Variants in RASAL1 observed in about 807,000 individuals in gnomAD.
The protein encoded by RASAL1 is RAS protein activator like 1, also known as rasGAP-activating-like protein 1.
A neutral mutation model predicts 96.6 loss-of-function variants in RASAL1; 72 were observed. The observed-to-expected ratio is 0.75, with a 90% CI of 0.62 to 0.91. RASAL1 has a LOEUF of 0.91. Among genes scored for constraint, RASAL1 ranks in the 40% least tolerant of loss-of-function variants. The probability of loss-of-function intolerance (pLI) is 0.00; values close to 1 mark genes in which losing one functional copy is unlikely to be tolerated. For synonymous variants in RASAL1, 405 were observed against 430.4 expected, an observed-to-expected ratio of 0.94 and a Z score of 0.73; for missense variants, 1,016 against 1,072.5, an observed-to-expected ratio of 0.95 and a Z score of 0.74.
intron 4 of RASAL1, among the ~76,000 whole-genome samples, chr12:113,122,718 A>C (rs1290862416): frequency 3.3e-5 from 5 of 152,202 alleles, no homozygotes; most frequent in African/African-American, 1.2e-4. Flanking sequence ...AATCCTGCTG[A>C]GTAGAGATTG....
In RASAL1 at chr12:113,099,898, C is replaced by T. The variant is rs1257309173; in HGVS notation, c.*31G>A. ...GCTGAAGAGGGCCCCCTGGCTCTTG[C>T]TCCTCCTTCCGGGCTAGCTCTGGCA... On this transcript the variant is annotated 3_prime_UTR_variant, in exon 21 of 21. Transcript: ENST00000548055. 1 of 1,589,638 alleles carries T rather than the reference C, an allele frequency of 6.3e-7. No individual in the cohort carries two copies.
chr12:113,120,904 A>G (rs1446335924), intron 5 of RASAL1, among the ~76,000 whole-genome samples: 1 of 152,194 alleles, frequency 6.6e-6, no homozygotes. Context: ...ATTCAGTGTA[A>G]TTGGTTCAGA....
At chr12:113,117,502 A>G (rs1409048663) in intron 7 of RASAL1, among the ~76,000 whole-genome samples, 1 of 152,222 alleles carries the variant, frequency 6.6e-6, no homozygotes, top group Admixed American at 6.5e-5. Context: ...TTCTTCTATC[A>G]AAAGGCATAA....
At chr12:113,128,245 GACACACACACAC>G (rs4007310) in intron 2 of RASAL1, 67 bp from the exon 3 acceptor site, 108 of 566,698 alleles carry the variant, frequency 1.9e-4, no homozygotes, top group Non-Finnish European at 2.6e-4. Flanking sequence ...TGGAGACCCA[GACACACACACAC>G]ACACACACAC....
chr12:113,135,719 G>A lies in RASAL1; in HGVS notation c.-257C>T. ...GAGGAGCGCGCAGGGGGCGCAGCGG[G>A]CTCTTGCCGAGGCGTCTGGAGCTCC... On this transcript the variant is annotated 5_prime_UTR_variant, in exon 1 of 21. Coordinates refer to ENST00000548055, the MANE Select transcript of RASAL1 (RefSeq NM_001301202.2). The surrounding 1 kb of genome is among the most constrained non-coding windows in gnomAD (Gnocchi z 5.7). The A allele has an allele frequency of 3.1e-6, 1 of 319,942 alleles. No homozygotes were observed. The highest frequency in any genetic ancestry group is 4.3e-5 in the South Asian group (1 of 23,262). 19.8% of individuals were successfully genotyped at this position (319,942 alleles called of 1,614,324 possible). A position where few individuals can be genotyped will look rare whatever the true frequency, so the allele number is the denominator to read the frequency against.
chr12:113,101,895 T>G lies in RASAL1; in HGVS notation c.2219A>C (p.Gln740Pro). The change falls in exon 19 of 21, where the codon CAG becomes CCG. Residue 740 changes from glutamine to proline, a missense_variant. Physicochemically the swap from Gln to Pro is moderately conservative, Grantham distance 76. Coordinates refer to ENST00000548055, the MANE Select transcript of RASAL1 (RefSeq NM_001301202.2). Reference sequence around the variant, plus strand: ...GATGGGTGGGGGCACCCACCTGAGCTGGTCCCGCCCCAGGAGCAGCTGCCG... The same window carrying G: ...GATGGGTGGGGGCACCCACCTGAGCGGGTCCCGCCCCAGGAGCAGCTGCCG... ...VYRQLLLGRD[Q>P]LRLKLLEDSN... 1 of 1,613,366 alleles carries G rather than the reference T, an allele frequency of 6.2e-7. No homozygotes were observed. The highest frequency in any genetic ancestry group is 8.5e-7 in the Non-Finnish European group (1 of 1,179,630).
At chr12:113,119,298 A>C (rs1278979319) in intron 6 of RASAL1, 39 bp from the exon 7 acceptor site, 1 of 1,611,432 alleles carries the variant, frequency 6.2e-7, no homozygotes, top group Non-Finnish European at 8.5e-7. Context: ...GGGAGAGCTG[A>C]TGGGGACTCC....
Position 113,104,268 on chromosome 12 carries a change from G to C in RASAL1, c.1861C>G (p.Arg621Gly). Reference sequence around the variant, plus strand: ...CCCTCGTCTACGCGCTCCACGGCGCGGATGTGAGACACGGGGATGGAGTGA... The same window carrying C: ...CCCTCGTCTACGCGCTCCACGGCGCCGATGTGAGACACGGGGATGGAGTGA... Reference protein sequence around the residue: ...MCHSIPVSHIRAVERVDEGAF... With the variant: ...MCHSIPVSHIGAVERVDEGAF... Residue 621 changes from arginine (R) to glycine (G), a missense_variant, in exon 17 of 21, where the codon CGC becomes GGC. Transcript: ENST00000548055. 1 of 1,585,614 alleles carries C rather than the reference G, an allele frequency of 6.3e-7. No homozygotes were observed.
intron 4 of RASAL1, among the ~76,000 whole-genome samples, chr12:113,126,111 C>T (rs554165949): frequency 7.2e-5 from 11 of 151,924 alleles, no homozygotes; most frequent in African/African-American, 2.7e-4. Flanking sequence ...ATGGTGAAAC[C>T]CCATCTCTAC....
rs775390181 is a variant in RASAL1 at position 113,108,105 on chromosome 12, A to G, written c.1492T>C (p.Ser498Pro). 6.2e-7 allele frequency: 1 copy of G among 1,612,912 alleles called. No homozygotes were observed. The highest frequency in any genetic ancestry group is 8.5e-7 in the Non-Finnish European group (1 of 1,179,536). Residue 498 changes from serine to proline, a missense_variant, in exon 14 of 21, where the codon TCA becomes CCA. Coordinates refer to ENST00000548055, the MANE Select transcript of RASAL1 (RefSeq NM_001301202.2). ...DQHADPQTSRSLLLLAKAVQS... is the reference protein window; with the variant it reads ...DQHADPQTSRPLLLLAKAVQS... ...GGCACCTTGGCAAGCAACAGCAGTG[A>G]GCGGCTAGTCTGGGGGTCCGCGTGT... is the stretch of plus-strand genomic sequence containing the variant.
intron 19 of RASAL1, among the ~76,000 whole-genome samples, chr12:113,100,975 G>A (rs1950423649): frequency 6.6e-6 from 1 of 152,172 alleles, no homozygotes; most frequent in South Asian, 2.1e-4. Flanking sequence ...CTTGCTTAAG[G>A]TCACACAGCA....
chr12:113,114,256 T>G (rs963101062), intron 12 of RASAL1, among the ~76,000 whole-genome samples: 2 of 152,080 alleles, frequency 1.3e-5, no homozygotes, highest in African/African-American at 4.8e-5. Flanking sequence ...GAGGATTGCT[T>G]GAGCCCAGGA....
intron 4 of RASAL1, among the ~76,000 whole-genome samples, chr12:113,127,172 A>AGTGCC (rs1951517658): frequency 6.6e-6 from 1 of 151,896 alleles, no homozygotes; most frequent in South Asian, 2.1e-4. Context: ...AGGTGCTGGG[A>AGTGCC]TTACAGGTGT....
At position 113,135,569 on chromosome 12, in the gene RASAL1, T is replaced by A; in HGVS notation, c.-107A>T. ...TCAAGCCTGGCTCCCTGCCTCGTGG[T>A]CCCAGTGCCGCCTGTCCGAGACCCG... is the stretch of plus-strand genomic sequence containing the variant. On this transcript the variant is annotated 5_prime_UTR_variant, in exon 1 of 21. Transcript: ENST00000548055. The surrounding 1 kb of genome is among the most constrained non-coding windows in gnomAD (Gnocchi z 5.7). The A allele has an allele frequency of 1.0e-6, 1 of 956,984 alleles. No homozygotes were observed. Among genetic ancestry groups the A allele is most frequent in the Non-Finnish European group, 1.6e-6 (1 of 627,212 alleles). The allele number at this position is 956,984 out of a possible 1,614,324, so 59.3% of individuals were successfully genotyped here. A position where few individuals can be genotyped will look rare whatever the true frequency, so the allele number is the denominator to read the frequency against.
chr12:113,121,437 C>A, intron 5 of RASAL1, 72 bp downstream of exon 5: 5 of 1,593,352 alleles, frequency 3.1e-6, no homozygotes, highest in South Asian at 2.3e-5. Context: ...AAACGCCAGG[C>A]AGCAGGGGAG....
intron 13 of RASAL1, among the ~76,000 whole-genome samples, chr12:113,109,043 GT>G (rs10603536): frequency 0.28 from 37,872 of 134,092 alleles, 5,809 homozygotes; most frequent in East Asian, 0.58. Context: ...TTTTGTGTGT[GT>G]TTTTTTTTTT....
In RASAL1 at chr12:113,112,290, G is replaced by A. The variant is rs201278006; in HGVS notation, c.1182-12C>T. On this transcript the variant is annotated splice_polypyrimidine_tract_variant and intron_variant, in intron 12 of 20. Coordinates refer to ENST00000548055, the MANE Select transcript of RASAL1 (RefSeq NM_001301202.2). Reference sequence around the variant, plus strand: ...TGAAGGAGATCCTCCTGGAGGGGCCGGCGGAGCAGCTCAGCCTCGGGGCAC... The same window carrying A: ...TGAAGGAGATCCTCCTGGAGGGGCCAGCGGAGCAGCTCAGCCTCGGGGCAC... 6 of 1,253,948 alleles carry A rather than the reference G, an allele frequency of 4.8e-6. No homozygotes were observed. The highest frequency in any genetic ancestry group is 6.2e-5 in the East Asian group (2 of 32,108). The allele number at this position is 1,253,948 out of a possible 1,614,324, so 77.7% of individuals were successfully genotyped here. A position where few individuals can be genotyped will look rare whatever the true frequency, so the allele number is the denominator to read the frequency against.
rs1950457432 is a variant in RASAL1, at chr12:113,101,838, GC to G, written c.2225+50del. The G allele has an allele frequency of 6.9e-6, 11 of 1,587,056 alleles. No homozygotes were observed. The Middle Eastern group carries it at 1.0e-3, about 151-fold the overall frequency. On this transcript the variant is annotated intron_variant, in intron 19 of 20. Transcript: ENST00000548055. ...GGACACAGCAAGGCCACGGTGGGGGGCTGGCCTGGCTGGTCATAGGAGGTGA... is the reference window on the plus strand; with the variant it reads ...GGACACAGCAAGGCCACGGTGGGGGGTGGCCTGGCTGGTCATAGGAGGTGA...
At position 113,114,860 on chromosome 12, in the gene RASAL1, AC is replaced by A. The variant is rs1175887563; in HGVS notation, c.1120del (p.Val374SerfsTer42). The A allele has an allele frequency of 4.3e-6, 7 of 1,614,172 alleles. No individual in the cohort carries two copies. The African/African-American group carries it at 6.7e-5, about 15-fold the overall frequency. On this transcript the variant is annotated frameshift_variant, in exon 12 of 21. Coordinates refer to ENST00000548055, the MANE Select transcript of RASAL1 (RefSeq NM_001301202.2). LOFTEE classifies it high-confidence loss of function. ...HEVLKPVISRVFEEKKYMELD... is the reference protein window; with the variant it reads ...HEVLKPVISRXFEEKKYMELD... ...CTCCATGTACTTCTTCTCCTCAAAG[AC>A]ACGGCTAATCACAGGCTTCAGGACC...
Sources: gnomAD v4.1 joint callset for allele counts (sites outside exome capture counted in the v4.1 genomes callset) on GRCh38, gnomAD v4.1.1 for gene constraint, Gnocchi (gnomAD v3.1) non-coding constraint, MANE v1.5 for transcripts, NCBI Gene and HGNC (gene_info 2026-07-23, HGNC 2026-07-21) for gene names.